Variants in ADAMTSL1 observed in about 807,000 individuals in gnomAD.
ADAMTSL1 encodes ADAMTS-like protein 1.
ADAMTSL1 carries 126 observed loss-of-function variants against 201.8 expected under a neutral mutation model. That is an observed-to-expected ratio of 0.62 (90% CI 0.54 to 0.72). ADAMTSL1 has a LOEUF of 0.72. ADAMTSL1 is among the 30% of genes least tolerant of loss of function. The pLI, the probability that ADAMTSL1 is intolerant of heterozygous loss-of-function variation, is 0.00. For missense variants in ADAMTSL1, 2,679 were observed against 2,277.8 expected, an observed-to-expected ratio of 1.18 and a Z score of -3.59; for synonymous variants, 1,121 against 903.4, an observed-to-expected ratio of 1.24 and a Z score of -4.32.
chr9:18,258,603 A>G (rs1392106883), intron 2 of ADAMTSL1, among the ~76,000 whole-genome samples: 4 of 152,094 alleles, frequency 2.6e-5, no homozygotes, highest in Admixed American at 2.6e-4. Context: ...CTGGATCTCC[A>G]CACCCACCGC....
Position 18,777,376 on chromosome 9 carries a change from A to G in ADAMTSL1, c.3147A>G (p.Glu1049=). The G allele has an allele frequency of 6.2e-7, 1 of 1,602,950 alleles. No individual in the cohort carries two copies. Among genetic ancestry groups the G allele is most frequent in the Non-Finnish European group, 8.5e-7 (1 of 1,175,294 alleles). Residue 1049 remains glutamate (E), a synonymous_variant, in exon 19 of 29, where the codon GAA becomes GAG. Coordinates refer to ENST00000380548, the MANE Select transcript of ADAMTSL1 (RefSeq NM_001040272.6). ...LASWEAQDSA[E]RNTTSEEDPG... ...CGTGGGAGGCGCAGGACTCTGCGGA[A>G]AGGAACACGACCTCGGAGGAGGACC...
In ADAMTSL1 at chr9:17,922,349, T is replaced by A. The variant is rs1197048601; in HGVS notation, c.87+15427T>A. ...TAGTCTTGTGTTTCACAAACTTCAG[T>A]GTGCCTAAGTCAGTTGTGCTATGTT... On this transcript the variant is annotated intron_variant, in intron 1 of 29. Coordinates refer to the ADAMTSL1 transcript ENST00000680146. Among the ~76,000 whole-genome samples, 3 of 152,288 alleles carry A rather than the reference T, an allele frequency of 2.0e-5. No individual in the cohort carries two copies. In the East Asian group the frequency reaches 5.8e-4, roughly 29 times the overall value.
intron 1 of ADAMTSL1, among the ~76,000 whole-genome samples, chr9:18,033,161 T>C (rs1821047911): frequency 1.3e-5 from 2 of 152,218 alleles, no homozygotes; most frequent in Non-Finnish European, 2.9e-5. Flanking sequence ...ATTCTTCATT[T>C]AATGTCGCTA....
rs866362145 is a variant in ADAMTSL1 at position 18,707,178 on chromosome 9, T to C, written c.1876+130T>C. On this transcript the variant is annotated intron_variant, in intron 14 of 28. Transcript: ENST00000380548. ...CAGGAGGAGGAGGGGAGGCAGCCAT[T>C]CTAAATGTAAAGCACACTGAATCAA... 6.7e-6 allele frequency: 8 copies of C among 1,193,726 alleles called. No individual in the cohort carries two copies. In the African/African-American group the frequency reaches 7.7e-5, roughly 11 times the overall value. The allele number at this position is 1,193,726 out of a possible 1,614,324, so 73.9% of individuals were successfully genotyped here. A position where few individuals can be genotyped will look rare whatever the true frequency, so the allele number is the denominator to read the frequency against.
rs111250453 is a variant in ADAMTSL1, at chr9:18,457,059, A to C, written c.208-47770A>C. On this transcript the variant is annotated intron_variant, in intron 2 of 29. Transcript: ENST00000680146. ...TTGTTTTGAAAGAAACTGTTTCATCATCTGTTTATCATTTTGTCACCCCAC... is the reference window on the plus strand; with the variant it reads ...TTGTTTTGAAAGAAACTGTTTCATCCTCTGTTTATCATTTTGTCACCCCAC... Among the ~76,000 whole-genome samples, 560 of 152,266 alleles carry C rather than the reference A, an allele frequency of 3.7e-3. 5 individuals carry two copies. Among genetic ancestry groups the C allele is most frequent in the African/African-American group, 0.013 (520 of 41,548 alleles).
intron 15 of ADAMTSL1, among the ~76,000 whole-genome samples, chr9:18,749,939 G>A (rs980678637): frequency 6.6e-6 from 1 of 152,204 alleles, no homozygotes; most frequent in African/African-American, 2.4e-5. Context: ...GGTCCCAGGG[G>A]CTAAATTTCT....
chr9:18,272,733 C>T, intron 2 of ADAMTSL1, among the ~76,000 whole-genome samples: 1 of 152,188 alleles, frequency 6.6e-6, no homozygotes, highest in African/African-American at 2.4e-5. Context: ...ACATTGTGTT[C>T]ACCCTAGAGG....
At chr9:18,324,884 G>A (rs1226916868) in intron 2 of ADAMTSL1, among the ~76,000 whole-genome samples, 2 of 152,028 alleles carry the variant, frequency 1.3e-5, no homozygotes, top group East Asian at 3.9e-4. Flanking sequence ...CATATCTGAT[G>A]AAAGACTTCT....
chr9:17,937,168 A>G (rs1003241126), intron 1 of ADAMTSL1, among the ~76,000 whole-genome samples: 2 of 152,126 alleles, frequency 1.3e-5, no homozygotes, highest in African/African-American at 4.8e-5. Flanking sequence ...TGTTTTTTGA[A>G]AGCATCTTCT....
At chr9:18,678,800 A>G (rs144363118) in intron 10 of ADAMTSL1, among the ~76,000 whole-genome samples, 32 of 152,300 alleles carry the variant, frequency 2.1e-4, no homozygotes, top group African/African-American at 7.7e-4. Flanking sequence ...CAGGCCTGAT[A>G]TTCATCTCCA....
At chr9:18,716,411 T>C (rs1832935495) in intron 14 of ADAMTSL1, among the ~76,000 whole-genome samples, 2 of 151,834 alleles carry the variant, frequency 1.3e-5, no homozygotes, top group African/African-American at 4.8e-5. Flanking sequence ...AACAACCCCA[T>C]CAGAAAGTGG....
chr9:17,935,697 A>C (rs1826978265), intron 1 of ADAMTSL1, among the ~76,000 whole-genome samples: 1 of 152,188 alleles, frequency 6.6e-6, no homozygotes, highest in South Asian at 2.1e-4. Flanking sequence ...ATTTACTATT[A>C]ATAGCAATAC....
At chr9:18,678,765 T>A (rs1830271557) in intron 10 of ADAMTSL1, among the ~76,000 whole-genome samples, 1 of 152,186 alleles carries the variant, frequency 6.6e-6, no homozygotes, top group South Asian at 2.1e-4. Flanking sequence ...CATACTTATG[T>A]ATTCAACCCA....
intron 26 of ADAMTSL1, among the ~76,000 whole-genome samples, chr9:18,897,566 T>G (rs1487225290): frequency 6.6e-6 from 1 of 152,218 alleles, no homozygotes; most frequent in Non-Finnish European, 1.5e-5. Context: ...TACATCCAGG[T>G]AAGGGGAAAA....
At chr9:18,596,843 T>A (rs1053758596) in intron 4 of ADAMTSL1, among the ~76,000 whole-genome samples, 1 of 152,210 alleles carries the variant, frequency 6.6e-6, no homozygotes, top group African/African-American at 2.4e-5. Context: ...GTAATTCAGT[T>A]TTGAAGACGT....
intron 2 of ADAMTSL1, among the ~76,000 whole-genome samples, chr9:18,523,343 C>T (rs1199440286): frequency 6.6e-6 from 1 of 151,808 alleles, no homozygotes; most frequent in Non-Finnish European, 1.5e-5. Flanking sequence ...GGATATTAGC[C>T]CTTTGTCAGA....
upstream of ADAMTSL1, among the ~76,000 whole-genome samples, chr9:18,470,623 A>G (rs1037267771): frequency 6.6e-6 from 1 of 152,128 alleles, no homozygotes; most frequent in Admixed American, 6.5e-5. Context: ...GGCTAAGCAG[A>G]GAGGCTCAAC....
chr9:18,089,491 G>C (rs1441554236), intron 1 of ADAMTSL1, among the ~76,000 whole-genome samples: 1 of 152,130 alleles, frequency 6.6e-6, no homozygotes. Context: ...GGGAGGGATA[G>C]CATTAGGAGA....
chr9:18,646,887 G>A (rs1174964535), intron 7 of ADAMTSL1, among the ~76,000 whole-genome samples: 1 of 152,120 alleles, frequency 6.6e-6, no homozygotes, highest in South Asian at 2.1e-4. Flanking sequence ...TTGGTATCAG[G>A]ATGATGCAGG....
Sources: allele counts gnomAD v4.1 joint callset (sites outside exome capture counted in the v4.1 genomes callset), GRCh38; gene constraint gnomAD v4.1.1; transcripts MANE v1.5; gene names NCBI Gene and HGNC (gene_info 2026-07-23, HGNC 2026-07-21).